The following KLRB1 variants were observed in gnomAD, a reference collection of about 807,000 sequenced individuals.
KLRB1 encodes killer cell lectin like receptor B1.
KLRB1 carries 27 observed loss-of-function variants against 33.5 expected under a neutral mutation model. The observed-to-expected ratio is 0.81, with a 90% confidence interval of 0.59 to 1.11. KLRB1 has a LOEUF of 1.11. KLRB1 is among the 50% of genes most tolerant of loss of function. The probability of loss-of-function intolerance (pLI) is 0.00; values close to 1 mark genes in which losing one functional copy is unlikely to be tolerated. For missense variants in KLRB1, 241 were observed against 254.1 expected, an observed-to-expected ratio of 0.95 and a Z score of 0.35; for synonymous variants, 64 against 88.9, an observed-to-expected ratio of 0.72 and a Z score of 1.58.
rs1565442163 is a variant in KLRB1, at chr12:9,598,614, TG to T, written c.298del (p.Gln100AsnfsTer20). ...GLLNCPIYWQ[Q>X]LREKCLLFSH... The stretch of plus-strand genomic sequence containing the variant: ...AAATAACAAGCATTTCTCTCGGAGT[TG>T]CTGCCAATATATTGGGCAGTTTAAG... On this transcript the variant is annotated frameshift_variant, in exon 4 of 6. Transcript: ENST00000229402. LOFTEE classifies it high-confidence loss of function. 1 of 1,613,198 alleles carries T rather than the reference TG, an allele frequency of 6.2e-7. No homozygotes were observed.
chr12:9,595,617 T>A (rs892824528), intron 5 of KLRB1, among the ~76,000 whole-genome samples, 196 bp from the exon 6 acceptor site: 6 of 152,138 alleles, frequency 3.9e-5, no homozygotes, highest in African/African-American at 1.4e-4. Context: ...TCCAAGTTCA[T>A]CTTCATTGGA....
chr12:9,599,558 C>T (rs754908226), intron 3 of KLRB1, among the ~76,000 whole-genome samples: 3 of 152,206 alleles, frequency 2.0e-5, no homozygotes, highest in African/African-American at 7.2e-5. Flanking sequence ...AGTCAGACCA[C>T]TTACATATAA....
rs752482960 is a variant in KLRB1 at position 9,598,165 on chromosome 12, T to C, written c.415-4A>G. ...GTATCAGGTTCTGTGTGTGTATCTA[T>C]AAATGGAACAGAAAAATATTGAATC... On this transcript the variant is annotated splice_polypyrimidine_tract_variant and splice_region_variant and intron_variant, in intron 4 of 5. Coordinates refer to ENST00000229402, the MANE Select transcript of KLRB1 (RefSeq NM_002258.3). The C allele has an allele frequency of 1.9e-6, 3 of 1,560,584 alleles. No individual in the cohort carries two copies. The East Asian group carries it at 6.8e-5, about 35-fold the overall frequency.
chr12:9,595,299 C>A lies in KLRB1; in HGVS notation c.653G>T (p.Arg218Ile), dbSNP rs367658071. The A allele has an allele frequency of 6.2e-7, 1 of 1,613,236 alleles. No homozygotes were observed. The highest frequency in any genetic ancestry group is 1.3e-5 in the African/African-American group (1 of 74,884). ...TCAAGAGTCAGGATACACTTTATTTCTCACAGGTGTTAGTTCTTTTTGGCA... is the reference window on the plus strand; with the variant it reads ...TCAAGAGTCAGGATACACTTTATTTATCACAGGTGTTAGTTCTTTTTGGCA... ...WICQKELTPV[R>I]NKVYPDS The change falls in exon 6 of 6, where the codon AGA becomes ATA. Residue 218 changes from arginine (R) to isoleucine (I), a missense_variant. By Grantham distance (97) the Arg-to-Ile change is moderately conservative. Transcript: ENST00000229402.
chr12:9,607,539 T>C, intron 1 of KLRB1: 1 of 474,618 alleles, frequency 2.1e-6, no homozygotes, highest in Non-Finnish European at 3.8e-6. Flanking sequence ...GATGTTTGCT[T>C]TTCATGCTAA....
Position 9,598,599 on chromosome 12 carries a change from C to T in KLRB1, c.314G>A (p.Cys105Tyr). The change falls in exon 4 of 6, where the codon TGC becomes TAC. Residue 105 changes from cysteine to tyrosine, a missense_variant. By Grantham distance (194) the Cys-to-Tyr change is radical. Coordinates refer to ENST00000229402, the MANE Select transcript of KLRB1 (RefSeq NM_002258.3). ...PIYWQQLREK[C>Y]LLFSHTVNPW... ...GTTGACAGTGTGAGAAAATAACAAG[C>T]ATTTCTCTCGGAGTTGCTGCCAATA... 1.2e-6 allele frequency: 2 copies of T among 1,612,904 alleles called. No homozygotes were observed.
intron 1 of KLRB1, among the ~76,000 whole-genome samples, chr12:9,603,364 A>G (rs890620722): frequency 2.0e-5 from 3 of 151,998 alleles, no homozygotes; most frequent in South Asian, 4.1e-4. Flanking sequence ...TTGAAACTCT[A>G]AGTTTGTTTG....
At chr12:9,598,246 T>G in intron 4 of KLRB1, 85 bp from the exon 5 acceptor site, 1 of 865,144 alleles carries the variant, frequency 1.2e-6, no homozygotes, top group Non-Finnish European at 1.9e-6. Context: ...TCACCTCATC[T>G]CTGAAGTCTT....
rs1196015725 is a variant in KLRB1 at position 9,607,736 on chromosome 12, G to C, written c.85+19C>G. On this transcript the variant is annotated intron_variant, in intron 1 of 5. Transcript: ENST00000229402. Reference sequence around the variant, plus strand: ...CTGGAAGACATACAAATGCCGAAAGGAAAATTAAAGCCACTTACCCCGAGG... The same window carrying C: ...CTGGAAGACATACAAATGCCGAAAGCAAAATTAAAGCCACTTACCCCGAGG... 3 of 1,551,286 alleles carry C rather than the reference G, an allele frequency of 1.9e-6. No homozygotes were observed. The highest frequency in any genetic ancestry group is 2.7e-6 in the Non-Finnish European group (3 of 1,123,242).
At chr12:9,606,238 T>A (rs1181511844) in intron 1 of KLRB1, 3 of 152,170 alleles carry the variant, frequency 2.0e-5, no homozygotes, top group African/African-American at 7.2e-5. Context: ...GGTAAACAAT[T>A]GTAATATTAT....
chr12:9,607,348 CTTT>C (rs765689424), intron 1 of KLRB1, among the ~76,000 whole-genome samples: 5 of 50,612 alleles, frequency 9.9e-5, no homozygotes, highest in African/African-American at 3.0e-4. Context: ...TTCTTTCTTT[CTTT>C]CTTCCTTTCT....
At chr12:9,600,734 G>C (rs28459364) in intron 2 of KLRB1, among the ~76,000 whole-genome samples, 6 of 151,956 alleles carry the variant, frequency 3.9e-5, no homozygotes, top group South Asian at 4.2e-4. Context: ...TCCCTAATCT[G>C]AAGTACCCAG....
chr12:9,607,587 T>C, intron 1 of KLRB1, 168 bp downstream of exon 1: 1 of 562,594 alleles, frequency 1.8e-6, no homozygotes, highest in Non-Finnish European at 3.2e-6. Context: ...GTTTAAATTT[T>C]TTTTCCCAAA....
At chr12:9,607,363 T>TCTTTCTTC (rs1555097803) in intron 1 of KLRB1, among the ~76,000 whole-genome samples, 59 of 79,674 alleles carry the variant, frequency 7.4e-4, no homozygotes, top group East Asian at 8.7e-4. Flanking sequence ...TTCCTTTCTT[T>TCTTTCTTC]CTTTCTTTCT....
At chr12:9,604,120 T>C (rs1373201039) in intron 1 of KLRB1, among the ~76,000 whole-genome samples, 1 of 152,102 alleles carries the variant, frequency 6.6e-6, no homozygotes, top group African/African-American at 2.4e-5. Context: ...GTACTGTGTC[T>C]GGGAGGAATG....
At chr12:9,602,376 T>C (rs1054271183) in intron 1 of KLRB1, among the ~76,000 whole-genome samples, 3 of 152,160 alleles carry the variant, frequency 2.0e-5, no homozygotes, top group Admixed American at 1.3e-4. Flanking sequence ...TTTATCAATG[T>C]ATTTTGCTCT....
chr12:9,600,946 A>G (rs1312705990), intron 2 of KLRB1, among the ~76,000 whole-genome samples: 1 of 151,448 alleles, frequency 6.6e-6, no homozygotes, highest in Non-Finnish European at 1.5e-5. Context: ...AGTTGAGACA[A>G]GAGGAAGGCA....
chr12:9,598,152 G>A lies in KLRB1; in HGVS notation c.424C>T (p.Gln142Ter). 1.3e-6 allele frequency: 2 copies of A among 1,597,498 alleles called. No individual in the cohort carries two copies. Among genetic ancestry groups the A allele is most frequent in the Non-Finnish European group, 8.6e-7 (1 of 1,166,354 alleles). ...ATTGCTTTGTCACGTATCAGGTTCTGTGTGTGTATCTATAAATGGAACAGA... is the reference window on the plus strand; with the variant it reads ...ATTGCTTTGTCACGTATCAGGTTCTATGTGTGTATCTATAAATGGAACAGA... ...IRDKDELIHT[Q>*]NLIRDKAILF... Residue 142 changes from glutamine (Q) to a stop codon, truncating the protein, a stop_gained, in exon 5 of 6, where the codon CAG becomes TAG. Transcript: ENST00000229402. LOFTEE classifies it high-confidence loss of function.
chr12:9,604,526 G>A lies in KLRB1; in HGVS notation c.86-2927C>T, dbSNP rs116447682. On this transcript the variant is annotated intron_variant, in intron 1 of 5. Coordinates refer to ENST00000229402, the MANE Select transcript of KLRB1 (RefSeq NM_002258.3). ...CCCTCACCCCATCTGGCCTCCATAC[G>A]CTCACTCTCCACGCAGATGCCTCCT... Among the ~76,000 whole-genome samples, 1,187 of 152,166 alleles carry A rather than the reference G, an allele frequency of 7.8e-3. 17 individuals are homozygous for A. The highest frequency in any genetic ancestry group is 0.024 in the African/African-American group (1,011 of 41,510).
Sources: gnomAD v4.1 joint callset for allele counts (sites outside exome capture counted in the v4.1 genomes callset) on GRCh38, gnomAD v4.1.1 for gene constraint, MANE v1.5 for transcripts, NCBI Gene and HGNC (gene_info 2026-07-23, HGNC 2026-07-21) for gene names.